RCAN2: variants seen among roughly 807,000 people sequenced by gnomAD.
RCAN2 encodes regulator of calcineurin 2.
A neutral mutation model predicts 23.6 loss-of-function variants in RCAN2; 9 were observed. The observed-to-expected ratio is 0.38, with a 90% CI of 0.23 to 0.67. The LOEUF is 0.67. RCAN2 is among the 30% of genes least tolerant of loss of function. RCAN2 has a pLI of 0.51. For missense variants in RCAN2, 273 were observed against 302.3 expected, an observed-to-expected ratio of 0.90 and a Z score of 0.72; for synonymous variants, 109 against 115.7, an observed-to-expected ratio of 0.94 and a Z score of 0.37.
At chr6:46,307,856 A>G (rs1763119861) in intron 2 of RCAN2, among the ~76,000 whole-genome samples, 1 of 152,178 alleles carries the variant, frequency 6.6e-6, no homozygotes, top group South Asian at 2.1e-4. Flanking sequence ...CTTCCTGAAG[A>G]TGGTGGTGGC....
intron 2 of RCAN2, among the ~76,000 whole-genome samples, chr6:46,353,377 C>G (rs146496634): frequency 7.2e-5 from 11 of 152,212 alleles, no homozygotes; most frequent in Middle Eastern, 3.4e-3. Flanking sequence ...TTTGAAAGAA[C>G]TTGAGATACC....
chr6:46,302,492 T>C (rs1214468731), intron 2 of RCAN2, among the ~76,000 whole-genome samples: 1 of 152,108 alleles, frequency 6.6e-6, no homozygotes, highest in Non-Finnish European at 1.5e-5. Flanking sequence ...TTTGCTGTGA[T>C]TGCATGAGAT....
chr6:46,429,218 C>T lies in RCAN2; in HGVS notation c.225+27534G>A, dbSNP rs1767117876. On this transcript the variant is annotated intron_variant, in intron 2 of 4. Coordinates refer to ENST00000371374, the MANE Select transcript of RCAN2 (RefSeq NM_001251974.2). ...AAGCATCCCACTTAATATAGGGGAA[C>T]ACAGTATGCTAGATATAAATGAATA... 2.6e-5 allele frequency among the ~76,000 whole-genome samples: 4 copies of T among 152,268 alleles called. No individual in the cohort carries two copies. The South Asian group carries it at 8.3e-4, about 32-fold the overall frequency.
At chr6:46,287,947 G>T (rs1762424988) in intron 2 of RCAN2, among the ~76,000 whole-genome samples, 2 of 152,190 alleles carry the variant, frequency 1.3e-5, no homozygotes, top group African/African-American at 4.8e-5. Flanking sequence ...AAACGACAAA[G>T]AATAATACGA....
chr6:46,270,154 T>A (rs1318753773), intron 2 of RCAN2, among the ~76,000 whole-genome samples: 6 of 152,038 alleles, frequency 3.9e-5, no homozygotes, highest in Admixed American at 3.9e-4. Flanking sequence ...GCTGACAGGC[T>A]TCAGGACACA....
chr6:46,316,724 A>G (rs1232400198), intron 2 of RCAN2, among the ~76,000 whole-genome samples: 1 of 152,246 alleles, frequency 6.6e-6, no homozygotes, highest in Non-Finnish European at 1.5e-5. Flanking sequence ...TCAGTGCTCA[A>G]TACATTGTTG....
At chr6:46,325,485 C>T in intron 2 of RCAN2, 1 of 1,613,704 alleles carries the variant, frequency 6.2e-7, no homozygotes, top group Non-Finnish European at 8.5e-7. Flanking sequence ...GGCATTCCCC[C>T]TTCTGAATTT....
chr6:46,411,760 T>C (rs1766556568), intron 2 of RCAN2, among the ~76,000 whole-genome samples: 1 of 152,104 alleles, frequency 6.6e-6, no homozygotes, highest in Non-Finnish European at 1.5e-5. Flanking sequence ...TTATAAAAAC[T>C]AAGAGGAAGA....
intron 3 of RCAN2, among the ~76,000 whole-genome samples, chr6:46,247,466 G>T (rs1766560704): frequency 6.6e-6 from 1 of 152,128 alleles, no homozygotes; most frequent in African/African-American, 2.4e-5. Flanking sequence ...GAACTCCTCT[G>T]CCTATTGCTA....
intron 2 of RCAN2, among the ~76,000 whole-genome samples, chr6:46,290,110 C>T (rs1762500346): frequency 6.6e-6 from 1 of 151,910 alleles, no homozygotes; most frequent in Non-Finnish European, 1.5e-5. Context: ...CCTCCATGGA[C>T]TGCCAGCTAC....
rs950291286 is a variant in RCAN2, at chr6:46,263,239, C to T, written c.226-14343G>A. 3.3e-5 allele frequency among the ~76,000 whole-genome samples: 5 copies of T among 152,226 alleles called. No homozygotes were observed. In the South Asian group the frequency reaches 6.2e-4, roughly 19 times the overall value. ...CTTTTCTTCAAAGCTATCCTTCAAC[C>T]AAAGCAACAAATGCACACTAAACAT... On this transcript the variant is annotated intron_variant, in intron 2 of 4. Coordinates refer to ENST00000371374, the MANE Select transcript of RCAN2 (RefSeq NM_001251974.2).
At position 46,267,574 on chromosome 6, in the gene RCAN2, A is replaced by G. The variant is rs142202583; in HGVS notation, c.226-18678T>C. Reference sequence around the variant, plus strand: ...GTGGCATGCACTGGTGGTCCCAACTACTTGGGAGCCTGAGGTGGGAGGATC... The same window carrying G: ...GTGGCATGCACTGGTGGTCCCAACTGCTTGGGAGCCTGAGGTGGGAGGATC... On this transcript the variant is annotated intron_variant, in intron 2 of 4. Transcript: ENST00000371374. 7.0e-3 allele frequency among the ~76,000 whole-genome samples: 1,066 copies of G among 152,214 alleles called. 14 individuals are homozygous for G. The highest frequency in any genetic ancestry group is 0.025 in the African/African-American group (1,019 of 41,532).
chr6:46,330,908 G>A (rs1046530527), intron 2 of RCAN2, among the ~76,000 whole-genome samples: 3 of 152,094 alleles, frequency 2.0e-5, no homozygotes, highest in Admixed American at 1.3e-4. Context: ...GATGCTTAAG[G>A]GATTCAGGTC....
intron 1 of RCAN2, among the ~76,000 whole-genome samples, chr6:46,484,223 T>C (rs941076945): frequency 6.6e-6 from 1 of 152,248 alleles, no homozygotes; most frequent in Non-Finnish European, 1.5e-5. Context: ...CTATAATTGA[T>C]ATGGTAGCCT....
At chr6:46,340,364 G>A (rs1455143385) in intron 2 of RCAN2, among the ~76,000 whole-genome samples, 1 of 152,186 alleles carries the variant, frequency 6.6e-6, no homozygotes, top group East Asian at 1.9e-4. Context: ...CCCAAGGTTT[G>A]TGCTCCCCCT....
At chr6:46,380,609 A>G (rs1374141426) in intron 2 of RCAN2, among the ~76,000 whole-genome samples, 1 of 152,180 alleles carries the variant, frequency 6.6e-6, no homozygotes, top group Non-Finnish European at 1.5e-5. Flanking sequence ...TCTGCAGGGG[A>G]TTCTGAAACC....
intron 1 of RCAN2, among the ~76,000 whole-genome samples, chr6:46,471,527 A>G (rs1768558157): frequency 6.6e-6 from 1 of 152,196 alleles, no homozygotes; most frequent in South Asian, 2.1e-4. Flanking sequence ...CAAAACTGCC[A>G]TTTACTAAGG....
In RCAN2 at chr6:46,454,967, A is replaced by G. The variant is rs185289336; in HGVS notation, c.225+1785T>C. ...TTCCTAGGCCTCATTGTTTCAGTCT[A>G]CTGGGAAGTATTTAATCAGGAAAGA... On this transcript the variant is annotated intron_variant, in intron 2 of 4. Transcript: ENST00000371374. Among the ~76,000 whole-genome samples, 71 of 152,328 alleles carry G rather than the reference A, an allele frequency of 4.7e-4. 1 individual carries two copies. In the East Asian group the frequency reaches 0.013, roughly 27 times the overall value.
At chr6:46,285,954 T>C (rs1762361129) in intron 2 of RCAN2, among the ~76,000 whole-genome samples, 1 of 152,212 alleles carries the variant, frequency 6.6e-6, no homozygotes. Flanking sequence ...GGTATATTTA[T>C]GATTACCTTG....
Sources: gnomAD v4.1 joint callset for allele counts (sites outside exome capture counted in the v4.1 genomes callset) on GRCh38, gnomAD v4.1.1 for gene constraint, MANE v1.5 for transcripts, NCBI Gene and HGNC (gene_info 2026-07-23, HGNC 2026-07-21) for gene names.